The following MYO18B variants were observed in gnomAD, a reference collection of about 807,000 sequenced individuals.
MYO18B encodes the protein myosin XVIIIB.
Under a neutral mutation model 273.0 loss-of-function variants are expected in MYO18B, and 204 were observed. The observed-to-expected ratio is 0.75, with a 90% confidence interval of 0.67 to 0.84. The LOEUF is 0.84. Ranked by LOEUF, MYO18B falls within the 40% of genes least tolerant of loss-of-function variation. MYO18B has a pLI of 0.00. For synonymous variants in MYO18B, 1,330 were observed against 1,305.7 expected (o/e 1.02, Z -0.40); for missense variants, 3,212 against 3,287.6 (o/e 0.98, Z 0.56).
At chr22:25,869,218 G>T (rs190530178) in intron 22 of MYO18B, among the ~76,000 whole-genome samples, 376 of 152,208 alleles carry the variant, frequency 2.5e-3, no homozygotes, top group Non-Finnish European at 3.8e-3. Flanking sequence ...GGAGGCCAAG[G>T]CGGGCAGATC....
At chr22:25,770,081 G>A in intron 4 of MYO18B, 29 bp from the exon 5 acceptor site, 1 of 1,612,360 alleles carries the variant, frequency 6.2e-7, no homozygotes, top group Non-Finnish European at 8.5e-7. Flanking sequence ...GCCATTTGCT[G>A]GTTTAATTTA....
intron 1 of MYO18B, among the ~76,000 whole-genome samples, chr22:25,755,980 C>T (rs2086107479): frequency 6.6e-6 from 1 of 152,110 alleles, no homozygotes; most frequent in South Asian, 2.1e-4. Flanking sequence ...TCACTGCAAG[C>T]TCTGCCTCCT....
At chr22:26,051,645 G>A in the MYO18B span, among the ~76,000 whole-genome samples, 1 of 152,192 alleles carries the variant, frequency 6.6e-6, no homozygotes, top group East Asian at 1.9e-4. Context: ...AAGACATGCA[G>A]TGAAAAATGT....
At chr22:25,943,154 G>A (rs892360631) in intron 34 of MYO18B, among the ~76,000 whole-genome samples, 1 of 152,024 alleles carries the variant, frequency 6.6e-6, no homozygotes, top group Non-Finnish European at 1.5e-5. Context: ...TCCTTGGCCT[G>A]GCAGAGGGGC....
intron 3 of MYO18B, among the ~76,000 whole-genome samples, chr22:25,767,119 A>G (rs533854692): frequency 5.3e-5 from 8 of 152,350 alleles, no homozygotes; most frequent in Middle Eastern, 3.4e-3. Context: ...GCGAGACATC[A>G]GGGTAGAACT....
At chr22:25,864,625 C>G (rs1392079854) in intron 21 of MYO18B, among the ~76,000 whole-genome samples, 5 of 152,202 alleles carry the variant, frequency 3.3e-5, no homozygotes, top group Non-Finnish European at 5.9e-5. Flanking sequence ...CCCCTACCAT[C>G]ACTTCCTAAA....
At chr22:25,895,863 C>T (rs2091786364) in intron 28 of MYO18B, among the ~76,000 whole-genome samples, 1 of 150,468 alleles carries the variant, frequency 6.6e-6, no homozygotes, top group South Asian at 2.1e-4. Context: ...TTTTTGAGCT[C>T]ATCTTCAACA....
chr22:25,944,819 C>T (rs1048250243), intron 34 of MYO18B, among the ~76,000 whole-genome samples: 2 of 139,584 alleles, frequency 1.4e-5, no homozygotes, highest in African/African-American at 2.7e-5. Flanking sequence ...TGCACTCCAT[C>T]GTGGGCGACA....
intron 39 of MYO18B, among the ~76,000 whole-genome samples, chr22:25,968,207 T>C (rs1023778872): frequency 6.6e-6 from 1 of 152,172 alleles, no homozygotes; most frequent in Non-Finnish European, 1.5e-5. Context: ...GTTTGGGTTA[T>C]ATGCCCACAC....
chr22:26,061,159 C>T, the MYO18B span, among the ~76,000 whole-genome samples: 1 of 152,218 alleles, frequency 6.6e-6, no homozygotes, highest in Non-Finnish European at 1.5e-5. Context: ...TCCTTTGACC[C>T]TCCAGCCAGG....
intron 31 of MYO18B, among the ~76,000 whole-genome samples, chr22:25,906,588 A>G (rs1569176485): frequency 6.6e-6 from 1 of 152,362 alleles, no homozygotes; most frequent in East Asian, 1.9e-4. Context: ...GTAAATGATC[A>G]GAAAGTTATC....
chr22:25,749,267 A>G (rs1415458621), intron 1 of MYO18B, among the ~76,000 whole-genome samples: 3 of 152,230 alleles, frequency 2.0e-5, no homozygotes, highest in East Asian at 3.8e-4. Context: ...GTGCAGGGTT[A>G]GGGGAACCAA....
At chr22:25,749,219 G>A (rs1347160495) in intron 1 of MYO18B, among the ~76,000 whole-genome samples, 1 of 152,224 alleles carries the variant, frequency 6.6e-6, no homozygotes, top group Non-Finnish European at 1.5e-5. Flanking sequence ...TGGTATCCTG[G>A]AGAGCCTTTT....
At chr22:25,752,147 T>C (rs140733891) in intron 1 of MYO18B, among the ~76,000 whole-genome samples, 8 of 90,302 alleles carry the variant, frequency 8.9e-5, no homozygotes, top group African/African-American at 3.9e-4. Context: ...TTCATTCACC[T>C]ACTTATTCAT....
At chr22:25,990,719 AAGAAAAAGAAAAAAAAAAAG>A (rs1171249657) in intron 39 of MYO18B, among the ~76,000 whole-genome samples, 3 of 38,914 alleles carry the variant, frequency 7.7e-5, no homozygotes, top group African/African-American at 6.1e-4. Context: ...AAAAAAAAAA[AAGAAAAAGAAAAAAAAAAAG>A]ACTCCAGGCT....
intron 10 of MYO18B, among the ~76,000 whole-genome samples, chr22:25,782,040 G>T (rs1569011111): frequency 6.6e-6 from 1 of 152,212 alleles, no homozygotes; most frequent in African/African-American, 2.4e-5. Flanking sequence ...CTGAGCCGCG[G>T]TTTCTTCCTT....
Position 26,027,790 on chromosome 22 carries a change from T to C in MYO18B, c.*12+100T>C. ...CTACTGTCCTTAATGCCACAACCGA[T>C]TTCTCTAGAGACCAAGATTTTTAGA... On this transcript the variant is annotated intron_variant, in intron 43 of 43. Coordinates refer to ENST00000335473, the MANE Select transcript of MYO18B (RefSeq NM_032608.7). This position sits in a 1 kb window ranked among gnomAD's most constrained non-coding sequence, Gnocchi z 4.1. 7.7e-7 allele frequency: 1 copy of C among 1,299,886 alleles called. No individual in the cohort carries two copies. Among genetic ancestry groups the C allele is most frequent in the Non-Finnish European group, 1.0e-6 (1 of 968,744 alleles). The allele number at this position is 1,299,886 out of a possible 1,614,324, so 80.5% of individuals were successfully genotyped here. A position where few individuals can be genotyped will look rare whatever the true frequency, so the allele number is the denominator to read the frequency against.
intron 6 of MYO18B, 103 bp downstream of exon 6, chr22:25,771,087 T>C (rs2086703216): frequency 1.2e-6 from 1 of 837,030 alleles, no homozygotes; most frequent in Non-Finnish European, 1.9e-6. Flanking sequence ...TCCTTGTTCC[T>C]GACTACCAAT....
the MYO18B span, among the ~76,000 whole-genome samples, chr22:26,043,792 G>C: frequency 0.37 from 55,809 of 151,928 alleles, 15,890 homozygotes; most frequent in African/African-American, 0.8. Context: ...GCTGGAATTA[G>C]AGGCATAAGC....
Sources: gnomAD v4.1 joint callset for allele counts (sites outside exome capture counted in the v4.1 genomes callset) on GRCh38, gnomAD v4.1.1 for gene constraint, Gnocchi (gnomAD v3.1) non-coding constraint, MANE v1.5 for transcripts, NCBI Gene and HGNC (gene_info 2026-07-23, HGNC 2026-07-21) for gene names.